Variants in FAM114A1 observed in about 807,000 individuals in gnomAD.
The protein encoded by FAM114A1 is protein NOXP20.
A neutral mutation model predicts 64.3 loss-of-function variants in FAM114A1; 62 were observed. That is an observed-to-expected ratio of 0.96 (90% CI 0.79 to 1.19). The LOEUF is 1.19. Ranked by LOEUF, FAM114A1 falls within the 50% of genes most tolerant of loss-of-function variation. The pLI, the probability that FAM114A1 is intolerant of heterozygous loss-of-function variation, is 0.00. For missense variants in FAM114A1, 645 were observed against 676.3 expected (o/e 0.95, Z 0.51); for synonymous variants, 254 against 251.1 (o/e 1.01, Z -0.11).
Position 38,935,700 on chromosome 4 carries a change from T to TA in FAM114A1, c.1464-18_1464-17insA, listed in dbSNP as rs1560334499. On this transcript the variant is annotated splice_polypyrimidine_tract_variant and intron_variant, in intron 12 of 14. Transcript: ENST00000358869. ...CCTTATTGAAAACATCCAAGCTTTT[T>TA]TTTTTTTCTTCTTTCAGATTAACTA... The TA allele has an allele frequency of 6.4e-7, 1 of 1,555,522 alleles. No individual in the cohort carries two copies. The highest frequency in any genetic ancestry group is 2.1e-5 in the Admixed American group (1 of 48,002).
rs1241821990 is a variant in FAM114A1, at chr4:38,936,230, C to A, written c.1536+440C>A. 6.6e-5 allele frequency among the ~76,000 whole-genome samples: 10 copies of A among 151,028 alleles called. No individual in the cohort carries two copies. In the East Asian group the frequency reaches 1.8e-3, roughly 27 times the overall value. On this transcript the variant is annotated intron_variant, in intron 13 of 14. Transcript: ENST00000358869. ...GCCTCAGCCTCCCAAGTAGCTGGGA[C>A]TACAGGCGCCCGCCACCACACCCGG...
intron 12 of FAM114A1, among the ~76,000 whole-genome samples, chr4:38,933,052 C>G (rs561236338): frequency 6.6e-6 from 1 of 152,028 alleles, no homozygotes; most frequent in Non-Finnish European, 1.5e-5. Flanking sequence ...CGGGTTTTCA[C>G]CATGTTGGCC....
chr4:38,913,687 G>A (rs1718774746), intron 7 of FAM114A1, among the ~76,000 whole-genome samples: 1 of 152,116 alleles, frequency 6.6e-6, no homozygotes, highest in Non-Finnish European at 1.5e-5. Flanking sequence ...ACCGTGCCTG[G>A]CCCTAAGTTA....
chr4:38,901,064 T>TA (rs1426068144), intron 4 of FAM114A1, among the ~76,000 whole-genome samples: 1 of 152,094 alleles, frequency 6.6e-6, no homozygotes, highest in Non-Finnish European at 1.5e-5. Context: ...AAGAGAAAGT[T>TA]AAAATAAGAA....
chr4:38,914,706 CT>C (rs1718871417), intron 7 of FAM114A1: 2 of 493,482 alleles, frequency 4.1e-6, no homozygotes, highest in Non-Finnish European at 6.9e-6. Flanking sequence ...TTTGTTTTGC[CT>C]TTCACATAAT....
intron 9 of FAM114A1, 124 bp from the exon 10 acceptor site, chr4:38,929,118 G>A: frequency 2.8e-6 from 2 of 718,490 alleles, no homozygotes; most frequent in South Asian, 3.0e-5. Flanking sequence ...CCCAGCGGCT[G>A]GCGGGCAGGC....
intron 4 of FAM114A1, among the ~76,000 whole-genome samples, chr4:38,901,782 C>CCCTACACAGTGTCTTGAGAATACAG (rs1717549582): frequency 6.6e-6 from 1 of 152,142 alleles, no homozygotes; most frequent in Admixed American, 6.6e-5. Context: ...TGTAAGATAG[C>CCCTACACAGTGTCTTGAGAATACAG]CCTACACAGT....
intron 11 of FAM114A1, 21 bp downstream of exon 11, chr4:38,931,633 C>T (rs1472413432): frequency 1.2e-6 from 2 of 1,603,916 alleles, no homozygotes; most frequent in East Asian, 2.2e-5. Flanking sequence ...TCTAGATTGT[C>T]TGCCTACAAG....
At chr4:38,912,541 C>T (rs1277577340) in intron 7 of FAM114A1, among the ~76,000 whole-genome samples, 8 of 152,092 alleles carry the variant, frequency 5.3e-5, no homozygotes, top group Admixed American at 4.6e-4. Flanking sequence ...CGCCACCATG[C>T]CCAGCTAATT....
At chr4:38,923,499 G>T (rs1314131953) in intron 9 of FAM114A1, among the ~76,000 whole-genome samples, 1 of 152,068 alleles carries the variant, frequency 6.6e-6, no homozygotes, top group African/African-American at 2.4e-5. Context: ...GGGATTACAG[G>T]CATGAGCCGC....
intron 2 of FAM114A1, among the ~76,000 whole-genome samples, chr4:38,872,406 A>T (rs928976564): frequency 6.6e-6 from 1 of 152,240 alleles, no homozygotes; most frequent in African/African-American, 2.4e-5. Flanking sequence ...TTATTTACCC[A>T]TAAGTGTTTA....
intron 4 of FAM114A1, among the ~76,000 whole-genome samples, chr4:38,904,535 C>T (rs1273868334): frequency 6.6e-6 from 1 of 152,210 alleles, no homozygotes; most frequent in Non-Finnish European, 1.5e-5. Flanking sequence ...TGCTCTTCGC[C>T]TGCCTGACTG....
intron 3 of FAM114A1, among the ~76,000 whole-genome samples, chr4:38,884,954 A>G (rs1013122002): frequency 1.4e-4 from 22 of 152,068 alleles, no homozygotes; most frequent in Non-Finnish European, 2.8e-4. Flanking sequence ...CACATCTTGA[A>G]TACTTTTAAA....
intron 7 of FAM114A1, among the ~76,000 whole-genome samples, chr4:38,910,466 T>C (rs1718430895): frequency 6.6e-6 from 1 of 152,152 alleles, no homozygotes; most frequent in Non-Finnish European, 1.5e-5. Context: ...GGCCTCATCA[T>C]CTTGAAATGC....
In FAM114A1 at chr4:38,897,421, G is replaced by A. The variant is rs556400669; in HGVS notation, c.436+5591G>A. 2.6e-4 allele frequency among the ~76,000 whole-genome samples: 39 copies of A among 152,076 alleles called. 1 individual carries two copies. Among genetic ancestry groups the A allele is most frequent in the Admixed American group, 2.6e-4 (4 of 15,268 alleles). ...ACTCTATTTTTATATTTTATCTTTT[G>A]CCTCAATACTCTTTCACTCTGAGGT... On this transcript the variant is annotated intron_variant, in intron 4 of 14. Coordinates refer to ENST00000358869, the MANE Select transcript of FAM114A1 (RefSeq NM_138389.4).
At chr4:38,882,237 G>A (rs1404464725) in intron 3 of FAM114A1, among the ~76,000 whole-genome samples, 24 of 141,630 alleles carry the variant, frequency 1.7e-4, no homozygotes, top group African/African-American at 6.1e-4. Flanking sequence ...GCGTGAACCC[G>A]GGAAGCGGAG....
chr4:38,923,516 T>C (rs9995232), intron 9 of FAM114A1, among the ~76,000 whole-genome samples: 45,416 of 152,080 alleles, frequency 0.3, 7,636 homozygotes, highest in Non-Finnish European at 0.4. Context: ...CCGCCTTGCC[T>C]GGCCTATGCT....
At chr4:38,927,463 TG>T (rs961949951) in intron 9 of FAM114A1, among the ~76,000 whole-genome samples, 6 of 152,012 alleles carry the variant, frequency 3.9e-5, no homozygotes, top group African/African-American at 9.7e-5. Context: ...ATCCGGTTCA[TG>T]GGGGGCTCCC....
At chr4:38,938,629 G>A (rs1206926351) in intron 13 of FAM114A1, 3 of 152,116 alleles carry the variant, frequency 2.0e-5, no homozygotes, top group East Asian at 1.9e-4. Context: ...AGAGAGGTGC[G>A]AGGTCTTAAT....
Sources: allele counts gnomAD v4.1 joint callset (sites outside exome capture counted in the v4.1 genomes callset), GRCh38; gene constraint gnomAD v4.1.1; transcripts MANE v1.5; gene names NCBI Gene and HGNC (gene_info 2026-07-23, HGNC 2026-07-21).